The following ANKRD44 variants were observed in gnomAD, a reference collection of about 807,000 sequenced individuals.
ANKRD44 encodes the protein serine/threonine-protein phosphatase 6 regulatory ankyrin repeat subunit B.
A neutral mutation model predicts 116.0 loss-of-function variants in ANKRD44; 35 were observed. That is an observed-to-expected ratio of 0.30 (90% CI 0.23 to 0.40). The LOEUF is 0.40. Ranked by LOEUF, ANKRD44 falls within the 10% of genes least tolerant of loss-of-function variation. The pLI is 1.00. For missense variants in ANKRD44, 1,014 were observed against 1,242.6 expected, an observed-to-expected ratio of 0.82 and a Z score of 2.77; for synonymous variants, 435 against 461.8, an observed-to-expected ratio of 0.94 and a Z score of 0.74.
chr2:197,164,080 T>C (rs2125510126), intron 2 of ANKRD44, among the ~76,000 whole-genome samples: 1 of 152,302 alleles, frequency 6.6e-6, no homozygotes, highest in African/African-American at 2.4e-5. Flanking sequence ...AAGGATGGAC[T>C]TTCCTAAGAG....
chr2:197,079,871 A>G (rs2077754556), intron 15 of ANKRD44, among the ~76,000 whole-genome samples: 1 of 152,230 alleles, frequency 6.6e-6, no homozygotes, highest in South Asian at 2.1e-4. Context: ...ACATAGGGAC[A>G]ATTAAAACAG....
In ANKRD44 at chr2:196,998,437, A is replaced by C; in HGVS notation, c.2666-18T>G. 6.2e-7 allele frequency: 1 copy of C among 1,600,880 alleles called. No individual in the cohort carries two copies. Among genetic ancestry groups the C allele is most frequent in the Non-Finnish European group, 8.6e-7 (1 of 1,168,762 alleles). On this transcript the variant is annotated intron_variant, in intron 24 of 27. Transcript: ENST00000282272. ...CAAAATATCTGTAGAAAAAGCCCAA[A>C]AGAGGGTTACTTAGATGAGATGCTA...
chr2:197,215,896 G>T (rs762251635), intron 1 of ANKRD44, among the ~76,000 whole-genome samples: 14 of 152,198 alleles, frequency 9.2e-5, no homozygotes, highest in Non-Finnish European at 1.6e-4. Flanking sequence ...CAAAATTTAT[G>T]ATGCTGTTTC....
chr2:197,261,569 AT>A (rs1316967315), intron 1 of ANKRD44, among the ~76,000 whole-genome samples: 2 of 130,942 alleles, frequency 1.5e-5, no homozygotes, highest in South Asian at 2.5e-4. Context: ...AAAAAAAAAA[AT>A]GTTTCTTTTC....
In ANKRD44 at chr2:197,099,917, G is replaced by A; in HGVS notation, c.999C>T (p.Asp333=). 1 of 1,613,904 alleles carries A rather than the reference G, an allele frequency of 6.2e-7. No homozygotes were observed. The highest frequency in any genetic ancestry group is 1.7e-5 in the Admixed American group (1 of 59,992). Residue 333 remains aspartate (D), a synonymous_variant, in exon 10 of 28, where the codon GAC becomes GAT. Coordinates refer to ENST00000282272, the MANE Select transcript of ANKRD44 (RefSeq NM_001195144.2). ...QTLIQNGGEI[D]CVDKDGNTPL... ...GAGTGTTGCCGTCCTTATCCACACA[G>A]TCAATTTCACCTCCTGAAAGAGATA...
chr2:197,076,090 A>G (rs531126681), intron 16 of ANKRD44, among the ~76,000 whole-genome samples: 3 of 152,252 alleles, frequency 2.0e-5, no homozygotes, highest in Non-Finnish European at 2.9e-5. Context: ...CATTCCCTCC[A>G]CAGGCCAGAA....
At chr2:197,132,205 G>A (rs2125370262) in intron 4 of ANKRD44, among the ~76,000 whole-genome samples, 1 of 152,338 alleles carries the variant, frequency 6.6e-6, no homozygotes, top group Non-Finnish European at 1.5e-5. Flanking sequence ...AATCCCAGAT[G>A]TGCCAGATGT....
chr2:197,000,305 C>A, intron 23 of ANKRD44, 114 bp downstream of exon 23: 1 of 798,712 alleles, frequency 1.3e-6, no homozygotes, highest in African/African-American at 1.7e-5. Context: ...ATATTAAAAA[C>A]CATGCTTATC....
At chr2:197,063,101 G>A (rs73049691) in intron 16 of ANKRD44, among the ~76,000 whole-genome samples, 5 of 152,158 alleles carry the variant, frequency 3.3e-5, no homozygotes, top group Non-Finnish European at 5.9e-5. Flanking sequence ...ATGCGCCTGG[G>A]TATCCCTCTG....
At position 197,077,006 on chromosome 2, in the gene ANKRD44, C is replaced by T. The variant is rs189317983; in HGVS notation, c.1650+1697G>A. ...TTTATGGTTAGAATGATTTATATTC[C>T]TTTGGGTATACACCCAGTGGTGGGA... On this transcript the variant is annotated intron_variant, in intron 16 of 27. Transcript: ENST00000282272. 3.2e-4 allele frequency among the ~76,000 whole-genome samples: 48 copies of T among 152,162 alleles called. 1 individual carries two copies. The East Asian group carries it at 7.5e-3, about 24-fold the overall frequency.
At chr2:197,103,278 T>A (rs1019053878) in intron 9 of ANKRD44, among the ~76,000 whole-genome samples, 2 of 151,464 alleles carry the variant, frequency 1.3e-5, no homozygotes, top group Non-Finnish European at 2.9e-5. Flanking sequence ...TCTTTTATCA[T>A]GTTTGGGTTT....
At chr2:197,071,127 G>T (rs1013337984) in intron 16 of ANKRD44, among the ~76,000 whole-genome samples, 1 of 151,948 alleles carries the variant, frequency 6.6e-6, no homozygotes, top group South Asian at 2.1e-4. Flanking sequence ...TTAGCTACAC[G>T]TTTGTCAATG....
intron 1 of ANKRD44, among the ~76,000 whole-genome samples, chr2:197,258,135 C>T (rs566276288): frequency 6.6e-6 from 1 of 151,920 alleles, no homozygotes; most frequent in East Asian, 1.9e-4. Flanking sequence ...TGGAGTCTTG[C>T]TCTGTCACCC....
chr2:197,099,232 T>C (rs1221417344), intron 10 of ANKRD44, among the ~76,000 whole-genome samples: 2 of 152,204 alleles, frequency 1.3e-5, no homozygotes, highest in African/African-American at 4.8e-5. Context: ...CTTTATGATA[T>C]ATGATCTTGC....
intron 2 of ANKRD44, among the ~76,000 whole-genome samples, chr2:197,151,513 G>A (rs903039146): frequency 2.0e-5 from 3 of 152,178 alleles, no homozygotes; most frequent in Non-Finnish European, 2.9e-5. Flanking sequence ...AAAACATGAT[G>A]CTAGACAGCA....
chr2:197,189,029 G>A (rs2080757847), intron 1 of ANKRD44, among the ~76,000 whole-genome samples: 1 of 152,210 alleles, frequency 6.6e-6, no homozygotes, highest in South Asian at 2.1e-4. Flanking sequence ...GTGATCTGCT[G>A]TTGGGAATGT....
At chr2:197,083,686 T>TG (rs1385661031) in intron 13 of ANKRD44, among the ~76,000 whole-genome samples, 177 bp from the exon 14 acceptor site, 1 of 152,210 alleles carries the variant, frequency 6.6e-6, no homozygotes, top group Non-Finnish European at 1.5e-5. Flanking sequence ...TTATCTGAAA[T>TG]GCTTGGAACT....
Position 197,280,119 on chromosome 2 carries a change from C to T in ANKRD44, c.27+30459G>A, listed in dbSNP as rs568488968. On this transcript the variant is annotated intron_variant, in intron 1 of 27. Coordinates refer to ENST00000282272, the MANE Select transcript of ANKRD44 (RefSeq NM_001195144.2). ...CTGCCAGTTCATTCTGTCCCTACTGCTGTCACATACACCTAAGAGTGTTTA... is the reference window on the plus strand; with the variant it reads ...CTGCCAGTTCATTCTGTCCCTACTGTTGTCACATACACCTAAGAGTGTTTA... Among the ~76,000 whole-genome samples, 3 of 152,322 alleles carry T rather than the reference C, an allele frequency of 2.0e-5. No individual in the cohort carries two copies. The East Asian group carries it at 5.8e-4, about 29-fold the overall frequency.
At chr2:197,063,226 A>G (rs1052934190) in intron 16 of ANKRD44, among the ~76,000 whole-genome samples, 3 of 152,182 alleles carry the variant, frequency 2.0e-5, no homozygotes, top group Non-Finnish European at 2.9e-5. Context: ...ACTCCAACAG[A>G]CCTGCAGCTG....
Sources: allele counts gnomAD v4.1 joint callset (sites outside exome capture counted in the v4.1 genomes callset), GRCh38; gene constraint gnomAD v4.1.1; transcripts MANE v1.5; gene names NCBI Gene and HGNC (gene_info 2026-07-23, HGNC 2026-07-21).